Variants in SPEF2 observed in about 807,000 individuals in gnomAD.
The protein encoded by SPEF2 is sperm flagellar and cilia associated 2.
Under a neutral mutation model 224.6 loss-of-function variants are expected in SPEF2, and 187 were observed. The ratio of observed to expected loss-of-function variants is 0.83; its 90% CI spans 0.74 to 0.94. SPEF2 has a LOEUF of 0.94. Ranked by LOEUF, SPEF2 falls within the 40% of genes least tolerant of loss-of-function variation. The pLI, the probability that SPEF2 is intolerant of heterozygous loss-of-function variation, is 0.00. For missense variants in SPEF2, 2,170 were observed against 2,135.6 expected, an observed-to-expected ratio of 1.02 and a Z score of -0.32; for synonymous variants, 715 against 707.3, an observed-to-expected ratio of 1.01 and a Z score of -0.17.
At chr5:35,761,867 C>G (rs959354917) in intron 25 of SPEF2, among the ~76,000 whole-genome samples, 1 of 152,108 alleles carries the variant, frequency 6.6e-6, no homozygotes, top group African/African-American at 2.4e-5. Context: ...GTTCTTATTT[C>G]CTGCGAATAA....
At chr5:35,687,388 C>A (rs1225133351) in intron 10 of SPEF2, among the ~76,000 whole-genome samples, 1 of 152,044 alleles carries the variant, frequency 6.6e-6, no homozygotes, top group Non-Finnish European at 1.5e-5. Context: ...TACAAGGCAA[C>A]ACTCCCATTA....
intron 26 of SPEF2, among the ~76,000 whole-genome samples, chr5:35,764,201 C>A (rs540334245): frequency 2.0e-5 from 3 of 151,974 alleles, no homozygotes; most frequent in Non-Finnish European, 2.9e-5. Flanking sequence ...CAGAGTCAAG[C>A]AAATCACAGT....
chr5:35,623,750 A>G (rs1216013881), intron 1 of SPEF2, among the ~76,000 whole-genome samples: 1 of 152,218 alleles, frequency 6.6e-6, no homozygotes, highest in Non-Finnish European at 1.5e-5. Flanking sequence ...TTAAACACGA[A>G]TGTTTGTACT....
intron 30 of SPEF2, chr5:35,789,766 T>C (rs1411394538): frequency 4.3e-6 from 3 of 700,748 alleles, no homozygotes; most frequent in African/African-American, 1.8e-5. Context: ...GAGTTTCTTT[T>C]ATATATGTGA....
intron 25 of SPEF2, among the ~76,000 whole-genome samples, chr5:35,762,004 A>T (rs184313896): frequency 6.6e-6 from 1 of 152,276 alleles, no homozygotes; most frequent in Admixed American, 6.5e-5. Flanking sequence ...AATGTTAAAA[A>T]TTTTCATATA....
chr5:35,809,218 C>T (rs1758390171), intron 36 of SPEF2, among the ~76,000 whole-genome samples: 1 of 152,090 alleles, frequency 6.6e-6, no homozygotes, highest in South Asian at 2.1e-4. Context: ...TCACCTACTA[C>T]TGAGACCCGT....
intron 21 of SPEF2, among the ~76,000 whole-genome samples, chr5:35,734,774 C>A (rs536188403): frequency 3.0e-4 from 44 of 147,978 alleles, no homozygotes; most frequent in African/African-American, 1.1e-3. Flanking sequence ...TACACTGCTG[C>A]AATCTCAGCT....
At chr5:35,666,837 C>T (rs914859766) in intron 8 of SPEF2, among the ~76,000 whole-genome samples, 2 of 152,258 alleles carry the variant, frequency 1.3e-5, no homozygotes, top group Admixed American at 1.3e-4. Flanking sequence ...AGTTAGATCA[C>T]GTCTGACTGT....
chr5:35,764,529 C>G (rs1289849345), intron 26 of SPEF2: 1 of 455,180 alleles, frequency 2.2e-6, no homozygotes, highest in East Asian at 7.0e-5. Context: ...ATTGCTATTC[C>G]CTCATCTGCC....
At chr5:35,754,642 G>C (rs943485303) in intron 24 of SPEF2, among the ~76,000 whole-genome samples, 3 of 152,172 alleles carry the variant, frequency 2.0e-5, no homozygotes, top group African/African-American at 7.2e-5. Context: ...TGTACAACTG[G>C]TAGGAGGCTT....
intron 4 of SPEF2, 66 bp from the exon 5 acceptor site, chr5:35,646,601 A>G (rs1046387160): frequency 4.2e-5 from 61 of 1,461,242 alleles, no homozygotes; most frequent in Non-Finnish European, 5.3e-5. Context: ...ATTTGTACCT[A>G]TGAGTGTATT....
intron 1 of SPEF2, among the ~76,000 whole-genome samples, chr5:35,627,443 A>G (rs995611619): frequency 6.6e-6 from 1 of 152,020 alleles, no homozygotes; most frequent in African/African-American, 2.4e-5. Context: ...TCTACTAAAA[A>G]TACAAAAATT....
chr5:35,790,265 C>A (rs533954173), intron 30 of SPEF2: 1 of 635,214 alleles, frequency 1.6e-6, no homozygotes, highest in Middle Eastern at 3.0e-4. Flanking sequence ...ATAATTTTGA[C>A]CCTAGGAAAG....
At chr5:35,769,989 ATG>A (rs10627412) in intron 26 of SPEF2, among the ~76,000 whole-genome samples, 14,264 of 141,940 alleles carry the variant, frequency 0.1, 951 homozygotes, top group East Asian at 0.36. Flanking sequence ...TGCCTCCATA[ATG>A]TGTGTGTGTG....
intron 8 of SPEF2, among the ~76,000 whole-genome samples, chr5:35,666,100 C>T (rs1027740132): frequency 2.0e-4 from 31 of 152,018 alleles, no homozygotes; most frequent in Non-Finnish European, 4.3e-4. Context: ...AATGACTTGC[C>T]CAAGGTCTCA....
At chr5:35,734,781 A>G (rs1475685047) in intron 21 of SPEF2, among the ~76,000 whole-genome samples, 2 of 137,378 alleles carry the variant, frequency 1.5e-5, no homozygotes. Context: ...CTGCAATCTC[A>G]GCTCACTGCA....
intron 21 of SPEF2, among the ~76,000 whole-genome samples, chr5:35,734,739 G>A (rs1355034606): frequency 8.2e-6 from 1 of 122,654 alleles, no homozygotes. Context: ...TTCAGACAGA[G>A]TCTCACTCTG....
At chr5:35,804,567 TC>T (rs2149866620) in intron 34 of SPEF2, among the ~76,000 whole-genome samples, 1 of 151,704 alleles carries the variant, frequency 6.6e-6, no homozygotes, top group African/African-American at 2.4e-5. Context: ...CTCCCTTCCT[TC>T]CCCTCCCACT....
At chr5:35,770,153 G>A (rs866246815) in intron 26 of SPEF2, among the ~76,000 whole-genome samples, 1 of 151,928 alleles carries the variant, frequency 6.6e-6, no homozygotes, top group African/African-American at 2.4e-5. Context: ...ATTGCAAAAT[G>A]TCCAGTATTT....
Sources: allele counts gnomAD v4.1 joint callset (sites outside exome capture counted in the v4.1 genomes callset), GRCh38; gene constraint gnomAD v4.1.1; transcripts MANE v1.5; gene names NCBI Gene and HGNC (gene_info 2026-07-23, HGNC 2026-07-21).